The following DOCK3 variants were observed in gnomAD, a reference collection of about 807,000 sequenced individuals.
The protein encoded by DOCK3 is dedicator of cytokinesis protein 3.
DOCK3 carries 60 observed loss-of-function variants against 265.6 expected under a neutral mutation model. The observed-to-expected ratio is 0.23, with a 90% confidence interval of 0.18 to 0.28. DOCK3 has a LOEUF of 0.28. Ranked by LOEUF, DOCK3 falls within the 10% of genes least tolerant of loss-of-function variation. The pLI is 1.00. For missense variants in DOCK3, 1,981 were observed against 2,594.3 expected, an observed-to-expected ratio of 0.76 and a Z score of 5.14; for synonymous variants, 881 against 938.0, an observed-to-expected ratio of 0.94 and a Z score of 1.11.
At chr3:51,266,700 A>G (rs888021387) in intron 23 of DOCK3, among the ~76,000 whole-genome samples, 5 of 152,218 alleles carry the variant, frequency 3.3e-5, no homozygotes, top group South Asian at 2.1e-4. Context: ...AGACTTAAAC[A>G]TAAGACCTAA....
At chr3:51,037,647 G>A (rs2080320324) in intron 5 of DOCK3, among the ~76,000 whole-genome samples, 1 of 152,142 alleles carries the variant, frequency 6.6e-6, no homozygotes, top group Non-Finnish European at 1.5e-5. Flanking sequence ...GATTTATTGA[G>A]TAGGGTCATA....
intron 5 of DOCK3, among the ~76,000 whole-genome samples, chr3:50,942,527 C>T (rs1435901515): frequency 6.6e-6 from 1 of 151,752 alleles, no homozygotes; most frequent in East Asian, 1.9e-4. Context: ...TTGAAGAATC[C>T]TTTTTGGTAT....
intron 32 of DOCK3, among the ~76,000 whole-genome samples, chr3:51,327,733 G>T (rs1336966063): frequency 7.3e-6 from 1 of 136,792 alleles, no homozygotes; most frequent in African/African-American, 2.8e-5. Flanking sequence ...AGGCTGGAAT[G>T]CAGTGGCACA....
chr3:51,167,293 C>T (rs1376729280), intron 12 of DOCK3, among the ~76,000 whole-genome samples: 1 of 152,098 alleles, frequency 6.6e-6, no homozygotes, highest in East Asian at 1.9e-4. Flanking sequence ...TATTCTGTTC[C>T]ATTGGTCTAT....
chr3:51,207,482 G>A (rs1204506093), intron 12 of DOCK3, among the ~76,000 whole-genome samples: 1 of 152,072 alleles, frequency 6.6e-6, no homozygotes, highest in African/African-American at 2.4e-5. Flanking sequence ...AATTCTGTAG[G>A]CAGAAAGTTA....
chr3:50,817,025 A>T (rs2044122712), intron 2 of DOCK3, among the ~76,000 whole-genome samples: 1 of 152,070 alleles, frequency 6.6e-6, no homozygotes, highest in Non-Finnish European at 1.5e-5. Context: ...AAGAATGGCT[A>T]CTCCATAGAC....
At chr3:51,229,475 T>C in intron 18 of DOCK3, 37 bp from the exon 19 acceptor site, 1 of 1,461,070 alleles carries the variant, frequency 6.8e-7, no homozygotes, top group South Asian at 1.3e-5. Flanking sequence ...AATATCCAGG[T>C]TTCAAGGGTT....
At chr3:50,720,630 A>G (rs1304460611) in intron 1 of DOCK3, among the ~76,000 whole-genome samples, 3 of 152,192 alleles carry the variant, frequency 2.0e-5, no homozygotes, top group African/African-American at 7.2e-5. Flanking sequence ...TGGCAGAATG[A>G]TTTATATTCC....
intron 12 of DOCK3, among the ~76,000 whole-genome samples, chr3:51,173,815 G>A (rs2086805775): frequency 1.3e-5 from 2 of 152,084 alleles, no homozygotes; most frequent in Admixed American, 6.5e-5. Context: ...GTGATCCTTT[G>A]AGCTTCATGA....
intron 1 of DOCK3, among the ~76,000 whole-genome samples, chr3:50,777,181 C>G (rs1476513197): frequency 2.0e-5 from 3 of 152,090 alleles, no homozygotes; most frequent in Non-Finnish European, 2.9e-5. Context: ...GGTGGGGACA[C>G]AGAGCCAAAC....
chr3:50,852,754 A>G (rs1220702873), intron 3 of DOCK3, among the ~76,000 whole-genome samples: 5 of 152,110 alleles, frequency 3.3e-5, no homozygotes, highest in Non-Finnish European at 7.4e-5. Flanking sequence ...TTTAACATGT[A>G]TCTGCTGTTA....
In DOCK3 at chr3:50,934,057, T is replaced by C. The variant is rs144781090; in HGVS notation, c.295T>C (p.Leu99=). ...AGCAACTCTACAAGAATGGGCAAGTTTGTGGAAACAGTTGTATGTGGTAAG... is the reference window on the plus strand; with the variant it reads ...AGCAACTCTACAAGAATGGGCAAGTCTGTGGAAACAGTTGTATGTGGTAAG... The part of the protein sequence containing the change: ...VTATLQEWAS[L]WKQLYVKHKV... The change falls in exon 5 of 53, where the codon TTG becomes CTG. Residue 99 remains leucine, a synonymous_variant. Coordinates refer to ENST00000266037, the MANE Select transcript of DOCK3 (RefSeq NM_004947.5). 3.2e-4 allele frequency: 521 copies of C among 1,610,560 alleles called. 3 individuals are homozygous for C. In the African/African-American group the frequency reaches 6.3e-3, roughly 19 times the overall value.
At chr3:50,892,577 T>C (rs1403288961) in intron 4 of DOCK3, among the ~76,000 whole-genome samples, 2 of 152,074 alleles carry the variant, frequency 1.3e-5, no homozygotes, top group African/African-American at 4.8e-5. Context: ...ATCAAACATC[T>C]CTAGCATTTG....
intron 5 of DOCK3, among the ~76,000 whole-genome samples, chr3:51,001,364 G>C (rs2078478923): frequency 6.6e-6 from 1 of 152,062 alleles, no homozygotes; most frequent in South Asian, 2.1e-4. Flanking sequence ...GGAAACATTT[G>C]GCTCTGACTG....
At chr3:51,160,529 G>T in intron 11 of DOCK3, 26 bp from the exon 12 acceptor site, 1 of 1,589,468 alleles carries the variant, frequency 6.3e-7, no homozygotes, top group South Asian at 1.1e-5. Context: ...TTCTCAGTCT[G>T]ACTGGTGTTT....
intron 5 of DOCK3, among the ~76,000 whole-genome samples, chr3:50,996,631 T>C (rs1313005485): frequency 6.6e-6 from 1 of 152,206 alleles, no homozygotes; most frequent in Admixed American, 6.5e-5. Context: ...CTCTACTTCT[T>C]TTCTTACTGA....
At chr3:51,260,977 C>CT (rs1303685218) in intron 23 of DOCK3, among the ~76,000 whole-genome samples, 5 of 151,872 alleles carry the variant, frequency 3.3e-5, no homozygotes, top group African/African-American at 7.3e-5. Context: ...GACTGAGACT[C>CT]TGTCTCCAAA....
chr3:51,305,750 G>GTGTGTT (rs1218250990), intron 27 of DOCK3, among the ~76,000 whole-genome samples: 5 of 148,884 alleles, frequency 3.4e-5, no homozygotes, highest in Admixed American at 2.7e-4. Context: ...GTGTGTGTGT[G>GTGTGTT]TGTGTGTGTG....
chr3:50,915,862 T>C (rs562068079), intron 4 of DOCK3, among the ~76,000 whole-genome samples: 2 of 151,818 alleles, frequency 1.3e-5, no homozygotes, highest in African/African-American at 4.9e-5. Flanking sequence ...CCCATAGCAG[T>C]AGGGGGAAGG....
Sources: gnomAD v4.1 joint callset for allele counts (sites outside exome capture counted in the v4.1 genomes callset) on GRCh38, gnomAD v4.1.1 for gene constraint, MANE v1.5 for transcripts, NCBI Gene and HGNC (gene_info 2026-07-23, HGNC 2026-07-21) for gene names.